CTNNA3: variants seen among roughly 807,000 people sequenced by gnomAD.
CTNNA3 encodes catenin alpha-3.
A neutral mutation model predicts 95.7 loss-of-function variants in CTNNA3; 76 were observed. That is an observed-to-expected ratio of 0.79 (90% confidence interval 0.66 to 0.96). The LOEUF (loss-of-function observed/expected upper bound fraction) is 0.96, where lower values mean the gene tolerates loss of function less well. Ranked by LOEUF, CTNNA3 falls within the 40% of genes least tolerant of loss-of-function variation. The pLI is 0.00. For missense variants in CTNNA3, 1,191 were observed against 1,089.8 expected (o/e 1.09, Z -1.31); for synonymous variants, 431 against 374.4 (o/e 1.15, Z -1.74).
At chr10:66,453,038 A>G (rs1432145227) in intron 11 of CTNNA3, among the ~76,000 whole-genome samples, 2 of 147,374 alleles carry the variant, frequency 1.4e-5, no homozygotes, top group Admixed American at 1.4e-4. Context: ...ACACGGTGAA[A>G]CCTTGTCTCT....
At chr10:67,102,334 T>G (rs75890723) in intron 7 of CTNNA3, among the ~76,000 whole-genome samples, 120 of 122,908 alleles carry the variant, frequency 9.8e-4, no homozygotes, top group Non-Finnish European at 1.6e-3. Context: ...GTTTAAAAAT[T>G]TAAAACCAAG....
intron 7 of CTNNA3, among the ~76,000 whole-genome samples, chr10:66,909,659 C>G (rs1455129857): frequency 1.3e-5 from 2 of 152,150 alleles, no homozygotes; most frequent in Non-Finnish European, 2.9e-5. Flanking sequence ...ACTTGTTAGT[C>G]AAATAGAGAC....
chr10:66,765,381 A>G (rs1417192512), intron 9 of CTNNA3, among the ~76,000 whole-genome samples: 2 of 152,182 alleles, frequency 1.3e-5, no homozygotes, highest in Non-Finnish European at 2.9e-5. Flanking sequence ...TGTGGCAGTC[A>G]AAACATTTAA....
intron 15 of CTNNA3, among the ~76,000 whole-genome samples, chr10:65,996,471 A>G (rs890103907): frequency 6.6e-6 from 1 of 152,042 alleles, no homozygotes; most frequent in African/African-American, 2.4e-5. Context: ...GTGGGGTTCT[A>G]GGGATGTAGG....
At chr10:67,732,491 C>T (rs1443814117) in intron 1 of CTNNA3, among the ~76,000 whole-genome samples, 1 of 152,262 alleles carries the variant, frequency 6.6e-6, no homozygotes, top group South Asian at 2.1e-4. Context: ...AGAAGCCACT[C>T]GTGGTCTAAG....
intron 13 of CTNNA3, among the ~76,000 whole-genome samples, chr10:66,149,235 T>C (rs962633735): frequency 6.8e-6 from 1 of 147,242 alleles, no homozygotes; most frequent in Admixed American, 6.8e-5. Flanking sequence ...TATATATAAC[T>C]CTATATTTAT....
Position 67,177,643 on chromosome 10 carries a change from G to A in CTNNA3, c.1047+2674C>T, listed in dbSNP as rs145508283. On this transcript the variant is annotated intron_variant, in intron 7 of 17. Coordinates refer to ENST00000433211, the MANE Select transcript of CTNNA3 (RefSeq NM_013266.4). ...CATCCCAAGTCTTTGAGCAAACGGT[G>A]AGCAAGGTTTGAGTTCAGCTAGTTC... Among the ~76,000 whole-genome samples, 465 of 152,290 alleles carry A rather than the reference G, an allele frequency of 3.1e-3. 3 individuals carry two copies. The highest frequency in any genetic ancestry group is 0.011 in the African/African-American group (438 of 41,558).
intron 15 of CTNNA3, among the ~76,000 whole-genome samples, chr10:66,021,852 C>CTGTTTTTTTTTTTTTTTTTTTTTTT (rs2079218983): frequency 1.3e-5 from 1 of 75,952 alleles, no homozygotes; most frequent in Non-Finnish European, 2.4e-5. Flanking sequence ...AGGATCTTGG[C>CTGTTTTTTTTTTTTTTTTTTTTTTT]TTTTTTTTTT....
chr10:66,086,766 T>A lies in CTNNA3; in HGVS notation c.1977+16391A>T, dbSNP rs138780279. ...TCTCCCCGACTCCGCAATCACAACCTCATTGTTACTTGGCAATCTCTTGGA... is the reference window on the plus strand; with the variant it reads ...TCTCCCCGACTCCGCAATCACAACCACATTGTTACTTGGCAATCTCTTGGA... On this transcript the variant is annotated intron_variant, in intron 14 of 17. Coordinates refer to ENST00000433211, the MANE Select transcript of CTNNA3 (RefSeq NM_013266.4). 4.4e-4 allele frequency among the ~76,000 whole-genome samples: 67 copies of A among 152,178 alleles called. 1 individual carries two copies. The East Asian group carries it at 8.6e-3, about 19-fold the overall frequency.
chr10:66,663,277 C>G (rs1401482649), intron 9 of CTNNA3, among the ~76,000 whole-genome samples: 4 of 151,950 alleles, frequency 2.6e-5, no homozygotes, highest in African/African-American at 9.7e-5. Flanking sequence ...GCTGGCCCCT[C>G]CCCAGTCATG....
intron 15 of CTNNA3, among the ~76,000 whole-genome samples, chr10:66,032,470 C>A (rs2079468398): frequency 6.6e-6 from 1 of 152,078 alleles, no homozygotes; most frequent in African/African-American, 2.4e-5. Context: ...AATAATACTG[C>A]AGATTTTTTT....
intron 9 of CTNNA3, among the ~76,000 whole-genome samples, chr10:66,746,275 A>G (rs529695028): frequency 1.3e-5 from 2 of 152,274 alleles, no homozygotes; most frequent in South Asian, 4.1e-4. Context: ...CAAATATTTT[A>G]TGAAAGGTAT....
chr10:66,318,776 G>C (rs568327091), intron 12 of CTNNA3, among the ~76,000 whole-genome samples: 2 of 152,098 alleles, frequency 1.3e-5, no homozygotes, highest in African/African-American at 4.8e-5. Flanking sequence ...CAGTTACCAG[G>C]CTCTGTCCCT....
intron 7 of CTNNA3, among the ~76,000 whole-genome samples, chr10:67,045,535 A>C (rs898686587): frequency 6.6e-6 from 1 of 152,148 alleles, no homozygotes. Context: ...CCCGACCCAG[A>C]AGCAGATAGT....
intron 9 of CTNNA3, among the ~76,000 whole-genome samples, chr10:66,748,142 A>C (rs1668209052): frequency 6.6e-6 from 1 of 152,184 alleles, no homozygotes; most frequent in Non-Finnish European, 1.5e-5. Context: ...ATCTAACTGC[A>C]AAGGGGCTTT....
At chr10:67,245,051 T>A (rs995503256) in intron 5 of CTNNA3, among the ~76,000 whole-genome samples, 1 of 152,180 alleles carries the variant, frequency 6.6e-6, no homozygotes, top group Non-Finnish European at 1.5e-5. Flanking sequence ...ACTTACCATG[T>A]CACTGCTTGG....
At chr10:67,563,278 G>A (rs1242813984) in intron 3 of CTNNA3, among the ~76,000 whole-genome samples, 1 of 152,148 alleles carries the variant, frequency 6.6e-6, no homozygotes, top group Non-Finnish European at 1.5e-5. Flanking sequence ...CATGGTACTG[G>A]TACCAAAACA....
chr10:66,739,148 C>T (rs1391698738), intron 9 of CTNNA3, among the ~76,000 whole-genome samples: 1 of 152,162 alleles, frequency 6.6e-6, no homozygotes, highest in African/African-American at 2.4e-5. Context: ...AGACATCTCC[C>T]ACCCATTCTA....
In CTNNA3 at chr10:66,894,295, C is replaced by T. The variant is rs537816427; in HGVS notation, c.1048-118771G>A. The stretch of plus-strand genomic sequence containing the variant: ...CAGAACTCATGACAGGGAACAATAC[C>T]GGAAACCATATTCTATCCACTTTAT... On this transcript the variant is annotated intron_variant, in intron 7 of 17. Coordinates refer to ENST00000433211, the MANE Select transcript of CTNNA3 (RefSeq NM_013266.4). Among the ~76,000 whole-genome samples the T allele has an allele frequency of 5.3e-5, 8 of 152,052 alleles. No homozygotes were observed. The East Asian group carries it at 5.8e-4, about 11-fold the overall frequency.
Sources: allele counts gnomAD v4.1 joint callset (sites outside exome capture counted in the v4.1 genomes callset), GRCh38; gene constraint gnomAD v4.1.1; transcripts MANE v1.5; gene names NCBI Gene and HGNC (gene_info 2026-07-23, HGNC 2026-07-21).